The following SNAPC4 variants were observed in gnomAD, a reference collection of about 807,000 sequenced individuals.
SNAPC4 encodes snRNA-activating protein complex subunit 4.
Under a neutral mutation model 151.3 loss-of-function variants are expected in SNAPC4, and 127 were observed. The ratio of observed to expected loss-of-function variants is 0.84; its 90% CI spans 0.73 to 0.97. The LOEUF (loss-of-function observed/expected upper bound fraction) is 0.97, where lower values mean the gene tolerates loss of function less well. Among genes scored for constraint, SNAPC4 ranks in the 50% least tolerant of loss-of-function variants. The probability of loss-of-function intolerance (pLI) is 0.00; values close to 1 mark genes in which losing one functional copy is unlikely to be tolerated. For missense variants in SNAPC4, 2,186 were observed against 1,935.0 expected (o/e 1.13, Z -2.43); for synonymous variants, 1,002 against 824.4 (o/e 1.22, Z -3.69).
In SNAPC4 at chr9:136,378,218, G is replaced by A. The variant is rs143121745; in HGVS notation, c.3609C>T (p.Ser1203=). 3.1e-4 allele frequency: 496 copies of A among 1,611,496 alleles called. No individual in the cohort carries two copies. The highest frequency in any genetic ancestry group is 4.0e-4 in the Non-Finnish European group (477 of 1,179,552). ...ADPPEAEPPW[S]GRLPAFGGVI... ...CACCACCGAAGGCTGGCAGCCTCCCGGACCAAGGGGGTTCTGCTTCAGGAG... is the reference window on the plus strand; with the variant it reads ...CACCACCGAAGGCTGGCAGCCTCCCAGACCAAGGGGGTTCTGCTTCAGGAG... The change falls in exon 22 of 24, where the codon TCC becomes TCT. Residue 1203 remains serine, a synonymous_variant. Coordinates refer to ENST00000684778, the MANE Select transcript of SNAPC4 (RefSeq NM_003086.4).
chr9:136,398,690 C>G (rs116971241), intron 1 of SNAPC4: 9,470 of 403,204 alleles, frequency 0.023, 174 homozygotes, highest in Middle Eastern at 0.088. Context: ...TGCTCTGAGG[C>G]TGCAACCAGC....
chr9:136,386,957 G>C (rs1833910166), intron 13 of SNAPC4, among the ~76,000 whole-genome samples: 1 of 151,978 alleles, frequency 6.6e-6, no homozygotes, highest in Non-Finnish European at 1.5e-5. Context: ...GTTTCGTAGA[G>C]ACGGGGTTTT....
chr9:136,379,341 C>G (rs749306048), intron 21 of SNAPC4, 42 bp from the exon 22 acceptor site: 2 of 1,608,980 alleles, frequency 1.2e-6, no homozygotes, highest in Admixed American at 1.7e-5. Context: ...CCCCAGGCAT[C>G]TGGCCCAGGG....
chr9:136,378,839 G>T lies in SNAPC4; in HGVS notation c.2988C>A (p.Ala996=). 1 of 1,604,918 alleles carries T rather than the reference G, an allele frequency of 6.2e-7. No individual in the cohort carries two copies. Among genetic ancestry groups the T allele is most frequent in the South Asian group, 1.1e-5 (1 of 89,760 alleles). ...ALPLAPVFSE[A]EGTAPAASQA... ...GGGAAGCAGCAGGGGCTGTGCCCTC[G>T]GCCTCTGAGAAGACAGGAGCGAGGG... is the stretch of plus-strand genomic sequence containing the variant. The change falls in exon 22 of 24, where the codon GCC becomes GCA. Residue 996 remains alanine (A), a synonymous_variant. Coordinates refer to ENST00000684778, the MANE Select transcript of SNAPC4 (RefSeq NM_003086.4).
intron 5 of SNAPC4, 48 bp from the exon 6 acceptor site, chr9:136,394,926 C>T (rs760995328): frequency 1.3e-6 from 2 of 1,524,816 alleles, no homozygotes; most frequent in South Asian, 2.3e-5. Flanking sequence ...CATGTGCTCC[C>T]TGCAGGCCCA....
At position 136,378,536 on chromosome 9, in the gene SNAPC4, G is replaced by T; in HGVS notation, c.3291C>A (p.Pro1097=). Residue 1097 remains proline, a synonymous_variant, in exon 22 of 24, where the codon CCC becomes CCA. Transcript: ENST00000684778. The part of the protein sequence containing the change: ...PVPVPAVVSL[P]RPAGTPGPAG... ...CGGGGCCAGGGGTCCCTGCTGGCCT[G>T]GGAAGGCTCACCACAGCTGGTACAG... 6.3e-7 allele frequency: 1 copy of T among 1,592,850 alleles called. No homozygotes were observed. Among genetic ancestry groups the T allele is most frequent in the Non-Finnish European group, 8.5e-7 (1 of 1,174,860 alleles).
At chr9:136,376,683 C>T (rs1833458284) in intron 22 of SNAPC4, among the ~76,000 whole-genome samples, 1 of 152,158 alleles carries the variant, frequency 6.6e-6, no homozygotes, top group African/African-American at 2.4e-5. Context: ...CTGACCCCAT[C>T]CAAGCCATCC....
In SNAPC4 at chr9:136,376,361, C is replaced by A; in HGVS notation, c.4405G>T (p.Val1469Leu). Residue 1469 changes from valine to leucine, a missense_variant, in exon 23 of 24, where the codon GTG becomes TTG. Transcript: ENST00000684778. ...ACTCAGGACTCACCTGCTGCTCACA[C>A]CAGCCGCCTCCGCTTCCGGGTGTGC... Reference protein sequence around the residue: ...ARHTRKRRRLV With the variant: ...ARHTRKRRRLL 6.2e-7 allele frequency: 1 copy of A among 1,613,138 alleles called. No homozygotes were observed. Among genetic ancestry groups the A allele is most frequent in the Non-Finnish European group, 8.5e-7 (1 of 1,179,940 alleles).
In SNAPC4 at chr9:136,395,327, G is replaced by C. The variant is rs1290667481; in HGVS notation, c.442C>G (p.Pro148Ala). 6.2e-7 allele frequency: 1 copy of C among 1,613,502 alleles called. No homozygotes were observed. Among genetic ancestry groups the C allele is most frequent in the East Asian group, 2.2e-5 (1 of 44,902 alleles). Residue 148 changes from proline to alanine, a missense_variant, in exon 5 of 24, where the codon CCG becomes GCG. Coordinates refer to ENST00000684778, the MANE Select transcript of SNAPC4 (RefSeq NM_003086.4). ...CCCGTGACCTTGTCCTTGAAATACG[G>C]CTTCATGAAGTGCCCCATGTATGTG... The part of the protein sequence containing the change: ...PSTYMGHFMK[P>A]YFKDKVTGVG...
In SNAPC4 at chr9:136,377,822, G is replaced by GC. The variant is rs749900519; in HGVS notation, c.4004dup (p.Glu1336ArgfsTer3). 8.1e-6 allele frequency: 13 copies of GC among 1,611,218 alleles called. No individual in the cohort carries two copies. Among genetic ancestry groups the GC allele is most frequent in the Middle Eastern group, 1.7e-4 (1 of 6,050 alleles). On this transcript the variant is annotated frameshift_variant, in exon 22 of 24. Transcript: ENST00000684778. LOFTEE classifies it high-confidence loss of function. ...GTGCTCCGGCCGGCCGCTCAGCCTCGCCCCCCACCACCAGGGAGGTGGCCT... is the reference window on the plus strand; with the variant it reads ...GTGCTCCGGCCGGCCGCTCAGCCTCGCCCCCCCACCACCAGGGAGGTGGCCT...
chr9:136,387,398 C>T (rs1833925189), intron 13 of SNAPC4, 87 bp downstream of exon 13: 1 of 970,324 alleles, frequency 1.0e-6, no homozygotes. Flanking sequence ...TGGCCGCTGT[C>T]CCCCAGCCCG....
At chr9:136,381,199 T>A in intron 19 of SNAPC4, 123 bp downstream of exon 19, 1 of 804,186 alleles carries the variant, frequency 1.2e-6, no homozygotes, top group East Asian at 2.4e-5. Context: ...GAAAAGTGCA[T>A]TTTCAAGGCT....
rs770088138 is a variant in SNAPC4, at chr9:136,392,672, C to G, written c.737+1G>C. ...GGGCCCTCCCGGGAGGCCCCCCTCA[C>G]TTGATGTCCTGGATCTCCTTCTCGG... On this transcript the variant is annotated splice_donor_variant, in intron 8 of 23. Coordinates refer to ENST00000684778, the MANE Select transcript of SNAPC4 (RefSeq NM_003086.4). LOFTEE classifies it high-confidence loss of function. 6.2e-7 allele frequency: 1 copy of G among 1,613,650 alleles called. No homozygotes were observed. Among genetic ancestry groups the G allele is most frequent in the African/African-American group, 1.3e-5 (1 of 74,948 alleles).
At chr9:136,395,802 G>A (rs1395718811) in intron 3 of SNAPC4, 32 bp from the exon 4 acceptor site, 2 of 1,594,522 alleles carry the variant, frequency 1.3e-6, no homozygotes, top group East Asian at 2.2e-5. Flanking sequence ...CATGTGACGA[G>A]ATGAGACGTG....
intron 5 of SNAPC4, 27 bp from the exon 6 acceptor site, chr9:136,394,905 A>G: frequency 1.2e-6 from 2 of 1,605,020 alleles, no homozygotes; most frequent in South Asian, 1.1e-5. Context: ...CATCACCACA[A>G]GCACAGGCCA....
rs770300337 is a variant in SNAPC4, at chr9:136,381,395, G to A, written c.2318-3C>T. The A allele has an allele frequency of 7.4e-6, 12 of 1,612,002 alleles. No homozygotes were observed. The highest frequency in any genetic ancestry group is 9.3e-6 in the Non-Finnish European group (11 of 1,179,226). The stretch of plus-strand genomic sequence containing the variant: ...CAGCTGCTCCCTGAGGCCATCCGCT[G>A]CGGGCACAGGGGGATAAGTGGAAAG... On this transcript the variant is annotated splice_polypyrimidine_tract_variant and splice_region_variant and intron_variant, in intron 18 of 23. Coordinates refer to ENST00000684778, the MANE Select transcript of SNAPC4 (RefSeq NM_003086.4).
At chr9:136,394,384 A>T in intron 6 of SNAPC4, 54 bp from the exon 7 acceptor site, 1 of 1,498,250 alleles carries the variant, frequency 6.7e-7, no homozygotes. Context: ...TCCACGGCCC[A>T]GCCCCCACGG....
chr9:136,379,712 T>A (rs1481417633), intron 21 of SNAPC4, 125 bp downstream of exon 21: 1 of 911,706 alleles, frequency 1.1e-6, no homozygotes, highest in Non-Finnish European at 1.8e-6. Flanking sequence ...GAGGGAGCTC[T>A]GTCACCAGGG....
rs911926334 is a variant in SNAPC4 at position 136,379,412 on chromosome 9, G to C, written c.2528-113C>G. 32 of 1,491,802 alleles carry C rather than the reference G, an allele frequency of 2.1e-5. 1 individual carries two copies. The Middle Eastern group carries it at 7.1e-4, about 33-fold the overall frequency. The allele number at this position is 1,491,802 out of a possible 1,614,324, so 92.4% of individuals were successfully genotyped here. The stretch of plus-strand genomic sequence containing the variant: ...CCATGTGGGGAGCCTGGGGTCTTGA[G>C]CCAAGAGAGGGTCAAGCGGCACATC... On this transcript the variant is annotated intron_variant, in intron 21 of 23. Transcript: ENST00000684778.
Sources: gnomAD v4.1 joint callset for allele counts (sites outside exome capture counted in the v4.1 genomes callset) on GRCh38, gnomAD v4.1.1 for gene constraint, MANE v1.5 for transcripts, NCBI Gene and HGNC (gene_info 2026-07-23, HGNC 2026-07-21) for gene names.